The following MAF variants were observed in gnomAD, a reference collection of about 807,000 sequenced individuals.
MAF encodes transcription factor Maf.
Under a neutral mutation model 22.0 loss-of-function variants are expected in MAF, and 10 were observed. That is an observed-to-expected ratio of 0.45 (90% CI 0.28 to 0.77). MAF has a LOEUF of 0.77. MAF is among the 30% of genes least tolerant of loss of function. MAF has a pLI of 0.12. For missense variants in MAF, 544 were observed against 548.4 expected (o/e 0.99, Z 0.08); for synonymous variants, 337 against 255.8 (o/e 1.32, Z -3.03).
chr16:79,548,287 T>C, the MAF span, among the ~76,000 whole-genome samples: 13 of 152,326 alleles, frequency 8.5e-5, no homozygotes, highest in Non-Finnish European at 1.6e-4. Flanking sequence ...ATGTTCTTGA[T>C]TGATGTCTGT....
At chr16:79,541,533 T>A in the MAF span, among the ~76,000 whole-genome samples, 8 of 151,796 alleles carry the variant, frequency 5.3e-5, no homozygotes, top group African/African-American at 9.7e-5. Flanking sequence ...CTTTTAAGGA[T>A]AAGGAAACTG....
the MAF span, among the ~76,000 whole-genome samples, chr16:79,543,377 A>G: frequency 6.6e-6 from 1 of 152,182 alleles, no homozygotes; most frequent in African/African-American, 2.4e-5. Flanking sequence ...CTCATACACA[A>G]AATGGGAATG....
chr16:79,507,328 G>C, the MAF span, among the ~76,000 whole-genome samples: 10 of 151,232 alleles, frequency 6.6e-5, no homozygotes, highest in African/African-American at 2.4e-4. Context: ...GTGTCAGCGA[G>C]GATGGTCTTG....
the MAF span, among the ~76,000 whole-genome samples, chr16:79,420,250 G>C: frequency 7.9e-5 from 12 of 152,260 alleles, no homozygotes; most frequent in Middle Eastern, 3.4e-3. Context: ...CTTGTATGGC[G>C]AACAAAATGT....
chr16:79,389,248 G>A, the MAF span, among the ~76,000 whole-genome samples: 21 of 152,072 alleles, frequency 1.4e-4, no homozygotes, highest in African/African-American at 4.3e-4. Flanking sequence ...GCTGAAGATC[G>A]CTCTTTATTT....
the MAF span, among the ~76,000 whole-genome samples, chr16:79,569,945 A>G: frequency 3.0e-3 from 447 of 151,348 alleles, 5 homozygotes; most frequent in East Asian, 0.031. Context: ...AGCAAAGACC[A>G]GGTGGTGGGA....
chr16:79,387,528 C>T, the MAF span, among the ~76,000 whole-genome samples: 1 of 152,114 alleles, frequency 6.6e-6, no homozygotes, highest in Non-Finnish European at 1.5e-5. Context: ...CATGAATAGT[C>T]AATGCTTGTT....
chr16:79,337,691 C>G, the MAF span, among the ~76,000 whole-genome samples: 3 of 152,256 alleles, frequency 2.0e-5, no homozygotes, highest in African/African-American at 7.2e-5. Context: ...AGCAGGTGCT[C>G]ACACACACAA....
At chr16:79,581,544 G>GC (rs1912517429), downstream of MAF, among the ~76,000 whole-genome samples, 1 of 152,054 alleles carries the variant, frequency 6.6e-6, no homozygotes, top group Non-Finnish European at 1.5e-5. Flanking sequence ...AGCGACCTCA[G>GC]GGTCAATTTC....
At chr16:79,217,893 G>A in the MAF span, among the ~76,000 whole-genome samples, 3 of 144,912 alleles carry the variant, frequency 2.1e-5, no homozygotes, top group Non-Finnish European at 4.5e-5. Context: ...GCCTGATGAC[G>A]TTCATCAAGG....
the MAF span, among the ~76,000 whole-genome samples, chr16:79,339,339 G>C: frequency 6.6e-6 from 1 of 152,200 alleles, no homozygotes; most frequent in African/African-American, 2.4e-5. Context: ...GATTACAGGC[G>C]TGAGCCACCG....
At chr16:79,431,310 G>C in the MAF span, among the ~76,000 whole-genome samples, 1 of 152,210 alleles carries the variant, frequency 6.6e-6, no homozygotes, top group African/African-American at 2.4e-5. Context: ...AAGTTAAAGA[G>C]TTAAGGGCCA....
chr16:79,374,127 T>C, the MAF span, among the ~76,000 whole-genome samples: 5 of 152,298 alleles, frequency 3.3e-5, no homozygotes, highest in African/African-American at 1.2e-4. Context: ...ATGTAGAAGG[T>C]ACCCTGGGGT....
At chr16:79,514,662 C>T in the MAF span, among the ~76,000 whole-genome samples, 6 of 152,098 alleles carry the variant, frequency 3.9e-5, no homozygotes, top group African/African-American at 1.4e-4. Flanking sequence ...TATGGATAGT[C>T]CCTGTCTACC....
chr16:79,264,191 G>C, the MAF span, among the ~76,000 whole-genome samples: 1 of 152,250 alleles, frequency 6.6e-6, no homozygotes, highest in African/African-American at 2.4e-5. Flanking sequence ...GCTGGGACTT[G>C]AAAACAGATC....
At chr16:79,450,540 C>A in the MAF span, among the ~76,000 whole-genome samples, 1 of 152,132 alleles carries the variant, frequency 6.6e-6, no homozygotes, top group African/African-American at 2.4e-5. Flanking sequence ...TGATAGCAAA[C>A]TAGTGAAGAA....
the MAF span, among the ~76,000 whole-genome samples, chr16:79,337,821 A>C: frequency 6.6e-6 from 1 of 152,196 alleles, no homozygotes; most frequent in Non-Finnish European, 1.5e-5. Flanking sequence ...TTCTATGCAC[A>C]CACAAGGCTA....
chr16:79,313,047 T>G, the MAF span, among the ~76,000 whole-genome samples: 1 of 152,066 alleles, frequency 6.6e-6, no homozygotes, highest in Non-Finnish European at 1.5e-5. Flanking sequence ...GCAAATAGAG[T>G]GAAGCAACCT....
At chr16:79,481,898 G>T in the MAF span, among the ~76,000 whole-genome samples, 7 of 152,256 alleles carry the variant, frequency 4.6e-5, no homozygotes, top group African/African-American at 1.4e-4. Context: ...ACATAAGAAA[G>T]GCCACCATCG....
Sources: gnomAD v4.1 joint callset for allele counts (sites outside exome capture counted in the v4.1 genomes callset) on GRCh38, gnomAD v4.1.1 for gene constraint, MANE v1.5 for transcripts, NCBI Gene and HGNC (gene_info 2026-07-23, HGNC 2026-07-21) for gene names.